VWA3A: variants seen among roughly 807,000 people sequenced by gnomAD.
The protein encoded by VWA3A is von Willebrand factor A domain containing 3A.
VWA3A carries 134 observed loss-of-function variants against 160.4 expected under a neutral mutation model. That is an observed-to-expected ratio of 0.84 (90% CI 0.73 to 0.96). The LOEUF (loss-of-function observed/expected upper bound fraction) is 0.96, where lower values mean the gene tolerates loss of function less well. VWA3A is among the 40% of genes least tolerant of loss of function. The pLI is 0.00. For missense variants in VWA3A, 1,310 were observed against 1,447.9 expected (o/e 0.90, Z 1.55); for synonymous variants, 476 against 543.4 (o/e 0.88, Z 1.72).
At chr16:22,109,893 C>T (rs2045529522) in intron 7 of VWA3A, among the ~76,000 whole-genome samples, 1 of 152,242 alleles carries the variant, frequency 6.6e-6, no homozygotes, top group Non-Finnish European at 1.5e-5. Context: ...TAGCATAGCA[C>T]AGGGCTTCTG....
At chr16:22,117,008 A>G in intron 10 of VWA3A, 103 bp from the exon 11 acceptor site, 1 of 1,445,532 alleles carries the variant, frequency 6.9e-7, no homozygotes, top group Non-Finnish European at 9.5e-7. Context: ...TCCCTTTGGT[A>G]AAATGGGAAG....
At chr16:22,121,760 C>T in intron 14 of VWA3A, 143 bp downstream of exon 14, 1 of 657,556 alleles carries the variant, frequency 1.5e-6, no homozygotes, top group Non-Finnish European at 2.6e-6. Flanking sequence ...ATCAAATCCA[C>T]TGTAGCTGTT....
chr16:22,131,756 A>G (rs1355648900), intron 19 of VWA3A, 27 bp downstream of exon 19: 2 of 1,600,560 alleles, frequency 1.2e-6, no homozygotes, highest in Non-Finnish European at 1.7e-6. Context: ...CTGGGTGTCC[A>G]TTATCCTTTG....
At chr16:22,096,250 G>GCA (rs1298303691) in intron 1 of VWA3A, among the ~76,000 whole-genome samples, 2 of 152,158 alleles carry the variant, frequency 1.3e-5, no homozygotes, top group African/African-American at 4.8e-5. Flanking sequence ...TCAGCACCAA[G>GCA]CACAATGCCT....
intron 6 of VWA3A, among the ~76,000 whole-genome samples, chr16:22,105,892 A>G (rs1478774053): frequency 2.0e-5 from 3 of 152,246 alleles, no homozygotes; most frequent in African/African-American, 7.2e-5. Flanking sequence ...TTCAACAAAC[A>G]TGTATTGAGT....
chr16:22,149,417 T>C (rs2046309013), intron 28 of VWA3A, among the ~76,000 whole-genome samples: 1 of 152,078 alleles, frequency 6.6e-6, no homozygotes, highest in Non-Finnish European at 1.5e-5. Context: ...TTTTTAAAAA[T>C]CTTTTTCGTA....
At chr16:22,132,067 C>T (rs1598085339) in intron 19 of VWA3A, among the ~76,000 whole-genome samples, 1 of 152,064 alleles carries the variant, frequency 6.6e-6, no homozygotes, top group Non-Finnish European at 1.5e-5. Flanking sequence ...GACCCCATCT[C>T]TACAAAAATA....
intron 28 of VWA3A, among the ~76,000 whole-genome samples, chr16:22,148,561 A>G (rs997271023): frequency 6.6e-6 from 1 of 152,210 alleles, no homozygotes; most frequent in African/African-American, 2.4e-5. Flanking sequence ...ACTTGAGCTC[A>G]GGAATTCAAG....
intron 17 of VWA3A, among the ~76,000 whole-genome samples, chr16:22,129,865 G>A (rs2045918488): frequency 1.3e-5 from 2 of 152,116 alleles, no homozygotes; most frequent in South Asian, 4.1e-4. Context: ...TTGGGATGCT[G>A]TGTTAGTCCA....
chr16:22,112,251 C>CA (rs2045562906), intron 8 of VWA3A, among the ~76,000 whole-genome samples: 2 of 152,122 alleles, frequency 1.3e-5, no homozygotes, highest in Non-Finnish European at 2.9e-5. Context: ...GATTGCCCAC[C>CA]ATGTATTGGT....
chr16:22,094,319 GTT>G (rs553099796), intron 1 of VWA3A, among the ~76,000 whole-genome samples: 8 of 139,286 alleles, frequency 5.7e-5, no homozygotes, highest in Non-Finnish European at 4.7e-5. Context: ...AGTAAAGCCA[GTT>G]TTTTTTTTTT....
At chr16:22,146,199 A>G (rs894852323) in intron 26 of VWA3A, 37 bp from the exon 27 acceptor site, 1 of 1,523,588 alleles carries the variant, frequency 6.6e-7, no homozygotes, top group Middle Eastern at 1.7e-4. Context: ...GAAATGACTG[A>G]TGGGGTGGGT....
At chr16:22,132,768 C>A (rs2045970965) in intron 19 of VWA3A, 132 bp from the exon 20 acceptor site, 1 of 839,076 alleles carries the variant, frequency 1.2e-6, no homozygotes. Context: ...TCATCTCTTT[C>A]CATCCTTGTG....
chr16:22,117,205 T>C (rs760901358), intron 11 of VWA3A, 29 bp downstream of exon 11: 1 of 1,561,618 alleles, frequency 6.4e-7, no homozygotes, highest in Non-Finnish European at 8.7e-7. Flanking sequence ...ACATGGCCCC[T>C]CTTCTTCTCT....
intron 31 of VWA3A, 134 bp from the exon 32 acceptor site, chr16:22,155,433 C>T: frequency 1.3e-6 from 1 of 747,322 alleles, no homozygotes. Flanking sequence ...TGGAGATATA[C>T]AAGCAGAGGC....
intron 5 of VWA3A, among the ~76,000 whole-genome samples, chr16:22,101,730 T>A (rs1170435284): frequency 1.3e-5 from 2 of 152,240 alleles, no homozygotes; most frequent in Non-Finnish European, 2.9e-5. Context: ...ACCATTTAAC[T>A]GTAGAATTTA....
intron 1 of VWA3A, among the ~76,000 whole-genome samples, chr16:22,093,193 A>G (rs930935652): frequency 6.6e-6 from 1 of 152,174 alleles, no homozygotes; most frequent in African/African-American, 2.4e-5. Context: ...TGTGAACATT[A>G]CTAAGTCCCG....
Position 22,096,864 on chromosome 16 carries a change from T to A in VWA3A, c.20T>A (p.Ile7Lys). Reference sequence around the variant, plus strand: ...GGTATTCTTTTCTTCTTTAGGAAAATAAGCATTGGGTGTTTTGCAATGGCT... The same window carrying A: ...GGTATTCTTTTCTTCTTTAGGAAAAAAAGCATTGGGTGTTTTGCAATGGCT... MKKYRK[I>K]SIGCFAMATQ... The change falls in exon 2 of 34, where the codon ATA (isoleucine) becomes AAA (lysine). Residue 7 changes from isoleucine (I) to lysine (K), a missense_variant. By Grantham distance (102) the Ile-to-Lys change is moderately radical. Coordinates refer to ENST00000389398, the MANE Select transcript of VWA3A (RefSeq NM_173615.5). 2.6e-6 allele frequency: 4 copies of A among 1,543,140 alleles called. No homozygotes were observed. The South Asian group carries it at 4.8e-5, about 18-fold the overall frequency.
intron 8 of VWA3A, 143 bp from the exon 9 acceptor site, chr16:22,115,204 A>T: frequency 3.3e-6 from 3 of 903,720 alleles, no homozygotes; most frequent in Non-Finnish European, 4.7e-6. Context: ...TGGGCCCAGG[A>T]GTTCGAGGTT....
Sources: allele counts gnomAD v4.1 joint callset (sites outside exome capture counted in the v4.1 genomes callset), GRCh38; gene constraint gnomAD v4.1.1; transcripts MANE v1.5; gene names NCBI Gene and HGNC (gene_info 2026-07-23, HGNC 2026-07-21).